TTC27: variants seen among roughly 807,000 people sequenced by gnomAD.
TTC27 encodes the protein tetratricopeptide repeat protein 27.
In TTC27, 79 loss-of-function variants were observed where a neutral mutation model predicts 115.9. The observed-to-expected ratio is 0.68, with a 90% confidence interval of 0.57 to 0.82. The LOEUF (loss-of-function observed/expected upper bound fraction) is 0.82. Among genes scored for constraint, TTC27 ranks in the 40% least tolerant of loss-of-function variants. The pLI is 0.00. For missense variants in TTC27, 1,054 were observed against 993.1 expected (o/e 1.06, Z -0.82); for synonymous variants, 401 against 356.0 (o/e 1.13, Z -1.42).
At chr2:32,731,527 C>G (rs1668291290) in intron 10 of TTC27, among the ~76,000 whole-genome samples, 2 of 152,136 alleles carry the variant, frequency 1.3e-5, no homozygotes, top group Non-Finnish European at 2.9e-5. Flanking sequence ...GGGCACGTGC[C>G]ACCAACCCTG....
chr2:32,720,892 A>G (rs973092773), intron 10 of TTC27, among the ~76,000 whole-genome samples: 2 of 152,202 alleles, frequency 1.3e-5, no homozygotes, highest in African/African-American at 2.4e-5. Flanking sequence ...GTATTTTCGC[A>G]TATCTTCTTC....
At chr2:32,817,694 G>A (rs1399089930) in intron 19 of TTC27, 137 bp downstream of exon 19, 3 of 755,098 alleles carry the variant, frequency 4.0e-6, no homozygotes, top group Non-Finnish European at 6.7e-6. Context: ...GCCCCCTCAT[G>A]GTTGGTTGTG....
chr2:32,679,503 C>T (rs1444714997), intron 9 of TTC27, among the ~76,000 whole-genome samples: 1 of 152,154 alleles, frequency 6.6e-6, no homozygotes, highest in African/African-American at 2.4e-5. Context: ...ACGAAGGGGT[C>T]AGTCAGTATA....
At chr2:32,670,924 T>G (rs1003866493) in intron 7 of TTC27, among the ~76,000 whole-genome samples, 2 of 143,634 alleles carry the variant, frequency 1.4e-5, no homozygotes, top group Admixed American at 7.0e-5. Context: ...TGGCCTCTCT[T>G]GCCCATTTTT....
At chr2:32,780,064 A>G in intron 14 of TTC27, 1 of 465,176 alleles carries the variant, frequency 2.1e-6, no homozygotes, top group South Asian at 1.6e-5. Flanking sequence ...GTCTGTGCAT[A>G]TTCCACTGTC....
chr2:32,795,057 A>G (rs1024176134), intron 16 of TTC27, among the ~76,000 whole-genome samples: 2 of 151,972 alleles, frequency 1.3e-5, no homozygotes, highest in African/African-American at 4.8e-5. Context: ...AAAATTGAGG[A>G]GGAAGGAACA....
intron 16 of TTC27, among the ~76,000 whole-genome samples, chr2:32,788,873 G>A (rs931272718): frequency 6.7e-6 from 1 of 148,230 alleles, no homozygotes; most frequent in Non-Finnish European, 1.5e-5. Context: ...ATTCTCCTTC[G>A]CTTCCCAAGG....
chr2:32,777,346 A>G (rs1417140822), intron 13 of TTC27, among the ~76,000 whole-genome samples: 1 of 152,272 alleles, frequency 6.6e-6, no homozygotes, highest in Non-Finnish European at 1.5e-5. Context: ...CCCCAATACC[A>G]AAATCCATGA....
chr2:32,729,341 T>G (rs1006617145), intron 10 of TTC27, among the ~76,000 whole-genome samples: 3 of 152,182 alleles, frequency 2.0e-5, no homozygotes, highest in African/African-American at 7.2e-5. Flanking sequence ...TCTTCTCTAG[T>G]TTTTTTCTGG....
chr2:32,648,213 C>A (rs990858674), intron 4 of TTC27, among the ~76,000 whole-genome samples: 1 of 151,978 alleles, frequency 6.6e-6, no homozygotes, highest in Non-Finnish European at 1.5e-5. Context: ...CTGCAACCTC[C>A]GCCTCCTGGG....
intron 12 of TTC27, among the ~76,000 whole-genome samples, chr2:32,745,397 C>T (rs1427113891): frequency 2.0e-5 from 3 of 152,078 alleles, no homozygotes; most frequent in South Asian, 2.1e-4. Flanking sequence ...CTCTAAAGAA[C>T]GATTCAGTGG....
intron 11 of TTC27, among the ~76,000 whole-genome samples, chr2:32,736,423 T>G (rs1409862156): frequency 6.6e-6 from 1 of 152,210 alleles, no homozygotes; most frequent in Non-Finnish European, 1.5e-5. Context: ...TTATTTTTGC[T>G]TTTTAAGTTC....
chr2:32,700,780 T>C (rs1414486233), intron 9 of TTC27, among the ~76,000 whole-genome samples: 3 of 152,182 alleles, frequency 2.0e-5, no homozygotes, highest in Non-Finnish European at 4.4e-5. Flanking sequence ...CCTTAGGTGA[T>C]CCACCCGCGT....
intron 10 of TTC27, among the ~76,000 whole-genome samples, chr2:32,723,741 T>TCCTTCCTTCCTC (rs1429222677): frequency 7.2e-5 from 7 of 97,462 alleles, no homozygotes; most frequent in African/African-American, 3.0e-4. Context: ...CTTCCTTCCT[T>TCCTTCCTTCCTC]CCTTCCTTCC....
intron 8 of TTC27, among the ~76,000 whole-genome samples, chr2:32,677,455 C>A (rs977588323): frequency 6.6e-6 from 1 of 151,746 alleles, no homozygotes; most frequent in Non-Finnish European, 1.5e-5. Flanking sequence ...AAACTGTTTT[C>A]TTCTTTTTTT....
At chr2:32,710,672 G>T (rs1435490592) in intron 10 of TTC27, among the ~76,000 whole-genome samples, 1 of 151,572 alleles carries the variant, frequency 6.6e-6, no homozygotes, top group Non-Finnish European at 1.5e-5. Context: ...CAAGTGATCT[G>T]CCTGCCTCAG....
chr2:32,656,932 C>G (rs1311619274), intron 5 of TTC27, among the ~76,000 whole-genome samples: 3 of 152,056 alleles, frequency 2.0e-5, no homozygotes, highest in East Asian at 3.8e-4. Context: ...CTACCCTACC[C>G]CATTTTTAGG....
chr2:32,768,622 G>A (rs1439443203), intron 13 of TTC27, among the ~76,000 whole-genome samples: 1 of 152,246 alleles, frequency 6.6e-6, no homozygotes, highest in Admixed American at 6.5e-5. Flanking sequence ...CCCTGTAGAT[G>A]TGGGAGCCTA....
intron 4 of TTC27, among the ~76,000 whole-genome samples, chr2:32,646,580 G>C (rs61443322): frequency 1.8e-5 from 2 of 112,118 alleles, no homozygotes; most frequent in Non-Finnish European, 3.6e-5. Context: ...TTTTTTTGGA[G>C]ACCGACTCTC....
Sources: gnomAD v4.1 joint callset for allele counts (sites outside exome capture counted in the v4.1 genomes callset) on GRCh38, gnomAD v4.1.1 for gene constraint, MANE v1.5 for transcripts, NCBI Gene and HGNC (gene_info 2026-07-23, HGNC 2026-07-21) for gene names.